Variants in NRCAM observed in about 807,000 individuals in gnomAD.
NRCAM encodes neuronal cell adhesion molecule, also known as NgCAM-related cell adhesion molecule.
A neutral mutation model predicts 156.5 loss-of-function variants in NRCAM; 83 were observed. That is an observed-to-expected ratio of 0.53 (90% CI 0.44 to 0.64). The LOEUF (loss-of-function observed/expected upper bound fraction) is 0.64, where lower values mean the gene tolerates loss of function less well. NRCAM is among the 30% of genes least tolerant of loss of function. NRCAM has a pLI of 0.00. For missense variants in NRCAM, 1,417 were observed against 1,597.3 expected (o/e 0.89, Z 1.92); for synonymous variants, 538 against 563.9 (o/e 0.95, Z 0.65).
intron 3 of NRCAM, among the ~76,000 whole-genome samples, chr7:108,287,118 CT>C (rs1184748393): frequency 6.6e-6 from 1 of 151,752 alleles, no homozygotes; most frequent in African/African-American, 2.4e-5. Context: ...GGATTAAAGA[CT>C]TAAATGTAAG....
intron 1 of NRCAM, among the ~76,000 whole-genome samples, chr7:108,446,582 GCTGA>G (rs1279177079): frequency 1.3e-5 from 2 of 152,186 alleles, no homozygotes; most frequent in African/African-American, 2.4e-5. Flanking sequence ...CATGGAGAAA[GCTGA>G]CTAAGATAAG....
At chr7:108,325,573 A>G (rs565653446) in intron 2 of NRCAM, among the ~76,000 whole-genome samples, 2 of 152,162 alleles carry the variant, frequency 1.3e-5, no homozygotes, top group South Asian at 4.2e-4. Flanking sequence ...GCCTTGTCCA[A>G]AAAGGTAACC....
At chr7:108,254,575 A>G (rs1316604243) in intron 3 of NRCAM, among the ~76,000 whole-genome samples, 1 of 123,834 alleles carries the variant, frequency 8.1e-6, no homozygotes, top group Non-Finnish European at 1.6e-5. Context: ...TTGAGATGGA[A>G]CTAGCTCTGT....
intron 2 of NRCAM, among the ~76,000 whole-genome samples, chr7:108,332,491 C>T (rs1344914501): frequency 6.6e-6 from 1 of 152,126 alleles, no homozygotes; most frequent in African/African-American, 2.4e-5. Context: ...ATCACCATCT[C>T]CTTACCACTC....
chr7:108,316,562 T>A (rs1472783183), intron 2 of NRCAM, among the ~76,000 whole-genome samples: 10 of 151,714 alleles, frequency 6.6e-5, no homozygotes, highest in Admixed American at 6.6e-4. Flanking sequence ...GATCACGAAG[T>A]CAGGAGATCA....
chr7:108,300,547 AG>A (rs1443292099), intron 3 of NRCAM, among the ~76,000 whole-genome samples: 9 of 152,188 alleles, frequency 5.9e-5, no homozygotes, highest in Admixed American at 5.9e-4. Context: ...GTGTTAAACT[AG>A]GGACACCATT....
chr7:108,388,746 A>T (rs2099749725), intron 2 of NRCAM, among the ~76,000 whole-genome samples: 1 of 152,214 alleles, frequency 6.6e-6, no homozygotes, highest in Non-Finnish European at 1.5e-5. Context: ...ATAAGGTGTA[A>T]GGAAGGGATT....
In NRCAM at chr7:108,286,057, C is replaced by T. The variant is rs369015435; in HGVS notation, c.-107+26608G>A. On this transcript the variant is annotated intron_variant, in intron 3 of 32. Coordinates refer to ENST00000379028, the MANE Select transcript of NRCAM (RefSeq NM_001037132.4). ...ATAGTTTCTGTCGAAACTACTTTGTCATTACCACATGAAGGCAGCCATAGG... is the reference window on the plus strand; with the variant it reads ...ATAGTTTCTGTCGAAACTACTTTGTTATTACCACATGAAGGCAGCCATAGG... 2.6e-5 allele frequency among the ~76,000 whole-genome samples: 4 copies of T among 152,310 alleles called. No individual in the cohort carries two copies. In the South Asian group the frequency reaches 6.2e-4, roughly 24 times the overall value.
At chr7:108,155,101 T>TATATATATAC (rs1270777439) in intron 32 of NRCAM, among the ~76,000 whole-genome samples, 95 of 123,102 alleles carry the variant, frequency 7.7e-4, no homozygotes, top group African/African-American at 2.0e-3. Context: ...TATATATATA[T>TATATATATAC]ACACACACAC....
At position 108,166,629 on chromosome 7, in the gene NRCAM, C is replaced by T. The variant is rs1423402724; in HGVS notation, c.3466+292G>A. 2.0e-5 allele frequency among the ~76,000 whole-genome samples: 3 copies of T among 152,156 alleles called. No homozygotes were observed. The East Asian group carries it at 5.8e-4, about 29-fold the overall frequency. ...GTTTAACACTGAGGGAAAGTTTATA[C>T]ATGTGATATGAACAATTGAATTCTT... is the stretch of plus-strand genomic sequence containing the variant. On this transcript the variant is annotated intron_variant, in intron 30 of 32. Transcript: ENST00000379028.
chr7:108,190,957 G>C (rs1426762016), intron 19 of NRCAM, among the ~76,000 whole-genome samples: 1 of 152,174 alleles, frequency 6.6e-6, no homozygotes, highest in African/African-American at 2.4e-5. Flanking sequence ...TTTTGAAAAA[G>C]CACTATGCTA....
At chr7:108,354,763 G>T (rs1447149057) in intron 2 of NRCAM, among the ~76,000 whole-genome samples, 1 of 152,018 alleles carries the variant, frequency 6.6e-6, no homozygotes, top group Non-Finnish European at 1.5e-5. Flanking sequence ...GCGTGGTGGT[G>T]GGTGCCTATA....
At chr7:108,339,140 A>T (rs2099245216) in intron 2 of NRCAM, among the ~76,000 whole-genome samples, 2 of 152,204 alleles carry the variant, frequency 1.3e-5, no homozygotes, top group Admixed American at 1.3e-4. Flanking sequence ...TTAACCCAGA[A>T]GATTTCCTAA....
chr7:108,217,485 C>T (rs998608637), intron 11 of NRCAM, among the ~76,000 whole-genome samples: 1 of 152,202 alleles, frequency 6.6e-6, no homozygotes, highest in Admixed American at 6.5e-5. Flanking sequence ...GAGCCAGCAG[C>T]AGGAATGTTT....
intron 8 of NRCAM, among the ~76,000 whole-genome samples, chr7:108,227,920 G>A (rs540782705): frequency 6.6e-6 from 1 of 152,294 alleles, no homozygotes; most frequent in Admixed American, 6.5e-5. Context: ...TTCAAAGAAA[G>A]AACATCGGTT....
intron 2 of NRCAM, among the ~76,000 whole-genome samples, chr7:108,392,380 T>C (rs1048116333): frequency 2.0e-5 from 3 of 152,234 alleles, no homozygotes; most frequent in African/African-American, 7.2e-5. Context: ...CTAATGCTTG[T>C]TCATGCGTCA....
intron 1 of NRCAM, among the ~76,000 whole-genome samples, chr7:108,422,787 G>A (rs1466799075): frequency 6.6e-6 from 1 of 152,164 alleles, no homozygotes; most frequent in Non-Finnish European, 1.5e-5. Flanking sequence ...AAAGAGGCCA[G>A]AGAAGATAAT....
At chr7:108,227,467 C>T (rs972008986) in intron 8 of NRCAM, among the ~76,000 whole-genome samples, 8 of 152,114 alleles carry the variant, frequency 5.3e-5, no homozygotes, top group Admixed American at 3.9e-4. Context: ...GTTGTGAAAA[C>T]GTTCAAAATC....
At chr7:108,194,955 T>C (rs527694513) in intron 15 of NRCAM, among the ~76,000 whole-genome samples, 5 of 152,250 alleles carry the variant, frequency 3.3e-5, no homozygotes, top group African/African-American at 1.2e-4. Flanking sequence ...AAGGGGATGG[T>C]CTGAAGTGGG....
Sources: gnomAD v4.1 joint callset for allele counts (sites outside exome capture counted in the v4.1 genomes callset) on GRCh38, gnomAD v4.1.1 for gene constraint, MANE v1.5 for transcripts, NCBI Gene and HGNC (gene_info 2026-07-23, HGNC 2026-07-21) for gene names.